Variants in CCDC40 observed in about 807,000 individuals in gnomAD.
CCDC40 encodes coiled-coil domain-containing protein 40.
In CCDC40, 104 loss-of-function variants were observed where a neutral mutation model predicts 124.5. The ratio of observed to expected loss-of-function variants is 0.84; its 90% CI spans 0.71 to 0.98. CCDC40 has a LOEUF of 0.98. Among genes scored for constraint, CCDC40 ranks in the 50% least tolerant of loss-of-function variants. The probability of loss-of-function intolerance (pLI) is 0.00; values close to 1 mark genes in which losing one functional copy is unlikely to be tolerated. For missense variants in CCDC40, 1,463 were observed against 1,503.9 expected, an observed-to-expected ratio of 0.97 and a Z score of 0.45; for synonymous variants, 580 against 602.9, an observed-to-expected ratio of 0.96 and a Z score of 0.56.
At chr17:80,052,978 C>G (rs1350021487) in intron 7 of CCDC40, among the ~76,000 whole-genome samples, 1 of 152,148 alleles carries the variant, frequency 6.6e-6, no homozygotes, top group Non-Finnish European at 1.5e-5. Flanking sequence ...AATTTCTTAA[C>G]TAAAAAGCCA....
In CCDC40 at chr17:80,086,991, G is replaced by T. The variant is rs2038601154; in HGVS notation, c.2450-616G>T. The T allele has an allele frequency of 5.9e-6, 1 of 168,574 alleles. No homozygotes were observed. The highest frequency in any genetic ancestry group is 5.4e-5 in the Admixed American group (1 of 18,394). The allele number at this position is 168,574 out of a possible 1,614,324, so 10.4% of individuals were successfully genotyped here. On this transcript the variant is annotated intron_variant, in intron 14 of 19. Transcript: ENST00000397545. The surrounding 1 kb of genome is among the most constrained non-coding windows in gnomAD (Gnocchi z 5.5). ...CCGAAATACCATGCTGTGAGATGGGGAGGATCACCCATGGAGAGGGCAGAG... is the reference window on the plus strand; with the variant it reads ...CCGAAATACCATGCTGTGAGATGGGTAGGATCACCCATGGAGAGGGCAGAG...
Position 80,095,288 on chromosome 17 carries a change from A to T in CCDC40, c.2858A>T (p.Gln953Leu), listed in dbSNP as rs776321981. The part of the protein sequence containing the change: ...MKVRLGQLLK[Q>L]QEKMIRAMEL... ...GTCAGGCTCGGGCAGCTGCTGAAGC[A>T]GCAGGAGAAGATGATCCGTGCCATG... The change falls in exon 18 of 20, where the codon CAG becomes CTG. Residue 953 changes from glutamine (Q) to leucine (L), a missense_variant. Gln to Leu is a moderately radical substitution (Grantham distance 113). Transcript: ENST00000397545. The T allele has an allele frequency of 6.2e-7, 1 of 1,613,988 alleles. No individual in the cohort carries two copies. Among genetic ancestry groups the T allele is most frequent in the South Asian group, 1.1e-5 (1 of 91,090 alleles).
chr17:80,050,276 C>CA lies in CCDC40; in HGVS notation c.1157dup (p.Leu387ValfsTer7). On this transcript the variant is annotated frameshift_variant, in exon 7 of 20. Coordinates refer to ENST00000397545, the MANE Select transcript of CCDC40 (RefSeq NM_017950.4). LOFTEE classifies it high-confidence loss of function. The stretch of plus-strand genomic sequence containing the variant: ...CCTGCGCAGCCGCCAACGAGGAGCG[C>CA]AAAAAGTGTAAGGCAACCCGGCAGC... 1.3e-6 allele frequency: 2 copies of CA among 1,560,590 alleles called. No individual in the cohort carries two copies. The highest frequency in any genetic ancestry group is 1.7e-6 in the Non-Finnish European group (2 of 1,153,744).
At position 80,100,083 on chromosome 17, in the gene CCDC40, C is replaced by A; in HGVS notation, c.*308C>A. The A allele has an allele frequency of 2.4e-6, 1 of 420,506 alleles. No homozygotes were observed. Among genetic ancestry groups the A allele is most frequent in the Non-Finnish European group, 4.5e-6 (1 of 224,690 alleles). 26.0% of individuals were successfully genotyped at this position (420,506 alleles called of 1,614,324 possible). ...CCAGGTAACACTTTGGTTTGCAGCA[C>A]TCCCAAATCTGCACGTGCCTCTCAC... On this transcript the variant is annotated 3_prime_UTR_variant, in exon 20 of 20. Coordinates refer to ENST00000397545, the MANE Select transcript of CCDC40 (RefSeq NM_017950.4).
At chr17:80,082,672 G>C (rs1283670586) in intron 12 of CCDC40, among the ~76,000 whole-genome samples, 1 of 152,174 alleles carries the variant, frequency 6.6e-6, no homozygotes, top group Non-Finnish European at 1.5e-5. Flanking sequence ...GGGTGGGAAA[G>C]GAGCTGGCCA....
intron 10 of CCDC40, among the ~76,000 whole-genome samples, chr17:80,072,121 G>A (rs767522208): frequency 3.3e-5 from 5 of 152,090 alleles, no homozygotes; most frequent in Non-Finnish European, 7.4e-5. Context: ...AATTACAGGC[G>A]TGAGCCACGG....
At chr17:80,084,635 A>G in intron 12 of CCDC40, 108 bp from the exon 13 acceptor site, 1 of 1,360,038 alleles carries the variant, frequency 7.4e-7, no homozygotes, top group Non-Finnish European at 1.0e-6. Flanking sequence ...GTGCGTTTGG[A>G]ATATCTCCAG....
At chr17:80,043,663 A>G (rs1455107489) in intron 3 of CCDC40, among the ~76,000 whole-genome samples, 1 of 137,254 alleles carries the variant, frequency 7.3e-6, no homozygotes, top group Non-Finnish European at 1.5e-5. Context: ...GACTGCAAGC[A>G]CTCACCATCA....
At chr17:80,046,642 C>A (rs1177696126) in intron 3 of CCDC40, among the ~76,000 whole-genome samples, 1 of 152,044 alleles carries the variant, frequency 6.6e-6, no homozygotes, top group Admixed American at 6.6e-5. Flanking sequence ...ATCTTTTGCT[C>A]CCACATGCTG....
At chr17:80,082,472 C>T (rs956237466) in intron 12 of CCDC40, among the ~76,000 whole-genome samples, 7 of 151,926 alleles carry the variant, frequency 4.6e-5, no homozygotes, top group East Asian at 2.0e-4. Flanking sequence ...TGCCTCTTCC[C>T]GAGGGGTGAC....
At chr17:80,043,521 C>A (rs1598479710) in intron 3 of CCDC40, among the ~76,000 whole-genome samples, 1 of 113,636 alleles carries the variant, frequency 8.8e-6, no homozygotes, top group South Asian at 2.5e-4. Context: ...TTGGCTCACA[C>A]CCCTGCGGCC....
At chr17:80,090,817 G>A in intron 17 of CCDC40, 2 of 1,210,894 alleles carry the variant, frequency 1.7e-6, no homozygotes, top group Non-Finnish European at 1.0e-6. Context: ...ACCATGCCAT[G>A]CTAAATAGAA....
intron 17 of CCDC40, among the ~76,000 whole-genome samples, chr17:80,091,833 A>C (rs903829372): frequency 2.0e-5 from 3 of 152,058 alleles, no homozygotes; most frequent in South Asian, 2.1e-4. Flanking sequence ...AGGGTGTATA[A>C]ATTCTGACTG....
chr17:80,086,564 C>T lies in CCDC40; in HGVS notation c.2449+348C>T, dbSNP rs1406140239. On this transcript the variant is annotated intron_variant, in intron 14 of 19. Coordinates refer to ENST00000397545, the MANE Select transcript of CCDC40 (RefSeq NM_017950.4). The surrounding 1 kb of genome is among the most constrained non-coding windows in gnomAD (Gnocchi z 5.5). ...CGGGAAAAGCCAGGGTCCTGCCAGGCAGGCTCCTGGTGCTGTCCCCACATC... is the reference window on the plus strand; with the variant it reads ...CGGGAAAAGCCAGGGTCCTGCCAGGTAGGCTCCTGGTGCTGTCCCCACATC... 5.8e-6 allele frequency: 2 copies of T among 342,334 alleles called. No homozygotes were observed. The highest frequency in any genetic ancestry group is 1.1e-5 in the Non-Finnish European group (2 of 177,766). 21.2% of individuals were successfully genotyped at this position (342,334 alleles called of 1,614,324 possible). A position where few individuals can be genotyped will look rare whatever the true frequency, so the allele number is the denominator to read the frequency against.
chr17:80,043,890 T>G (rs2037348416), intron 3 of CCDC40, among the ~76,000 whole-genome samples: 2 of 152,156 alleles, frequency 1.3e-5, no homozygotes, highest in Non-Finnish European at 2.9e-5. Flanking sequence ...CTGTATTCAC[T>G]GATGTGGTCA....
At chr17:80,056,003 TATATA>T (rs1370302514) in intron 7 of CCDC40, among the ~76,000 whole-genome samples, 40 of 23,458 alleles carry the variant, frequency 1.7e-3, no homozygotes, top group Non-Finnish European at 2.6e-3. Context: ...TATATATATA[TATATA>T]TATATATATT....
chr17:80,087,436 G>A lies in CCDC40; in HGVS notation c.2450-171G>A. On this transcript the variant is annotated intron_variant, in intron 14 of 19. Coordinates refer to ENST00000397545, the MANE Select transcript of CCDC40 (RefSeq NM_017950.4). The surrounding 1 kb of genome is among the most constrained non-coding windows in gnomAD (Gnocchi z 4.5). Reference sequence around the variant, plus strand: ...GACCCCCTGTCCTCTCCTCTCCTCTGTCCTGGCAGGGACGAGATTCAGGCA... The same window carrying A: ...GACCCCCTGTCCTCTCCTCTCCTCTATCCTGGCAGGGACGAGATTCAGGCA... 1 of 685,784 alleles carries A rather than the reference G, an allele frequency of 1.5e-6. No individual in the cohort carries two copies. 42.5% of individuals were successfully genotyped at this position (685,784 alleles called of 1,614,324 possible).
At position 80,085,755 on chromosome 17, in the gene CCDC40, T is replaced by C. The variant is rs182754090; in HGVS notation, c.2236-248T>C. On this transcript the variant is annotated intron_variant, in intron 13 of 19. Coordinates refer to ENST00000397545, the MANE Select transcript of CCDC40 (RefSeq NM_017950.4). ...GGTGCCATCTTGCTCACTGCACATC[T>C]GCCTCCTGAGTTCAAGCGATTCTCC... 5.7e-3 allele frequency among the ~76,000 whole-genome samples: 850 copies of C among 149,304 alleles called. 12 individuals are homozygous for C. Among genetic ancestry groups the C allele is most frequent in the Non-Finnish European group, 7.3e-3 (492 of 67,590 alleles).
At chr17:80,047,772 G>A (rs1033691046) in intron 4 of CCDC40, among the ~76,000 whole-genome samples, 8 of 152,074 alleles carry the variant, frequency 5.3e-5, no homozygotes, top group African/African-American at 1.9e-4. Context: ...GAGACGTGCC[G>A]TGACAGCAAC....
Sources: gnomAD v4.1 joint callset for allele counts (sites outside exome capture counted in the v4.1 genomes callset) on GRCh38, gnomAD v4.1.1 for gene constraint, Gnocchi (gnomAD v3.1) non-coding constraint, MANE v1.5 for transcripts, NCBI Gene and HGNC (gene_info 2026-07-23, HGNC 2026-07-21) for gene names.